The following MAP3K4 variants were observed in gnomAD, a reference collection of about 807,000 sequenced individuals.
MAP3K4 encodes MAP three kinase 1.
Under a neutral mutation model 185.6 loss-of-function variants are expected in MAP3K4, and 67 were observed. The observed-to-expected ratio is 0.36, with a 90% CI of 0.30 to 0.44. MAP3K4 has a LOEUF of 0.44. Among genes scored for constraint, MAP3K4 ranks in the 20% least tolerant of loss-of-function variants. MAP3K4 has a pLI of 1.00. For synonymous variants in MAP3K4, 702 were observed against 710.4 expected (o/e 0.99, Z 0.19); for missense variants, 1,551 against 1,995.1 (o/e 0.78, Z 4.24).
At chr6:161,011,855 C>G (rs574280907) in intron 1 of MAP3K4, among the ~76,000 whole-genome samples, 35 of 152,278 alleles carry the variant, frequency 2.3e-4, no homozygotes, top group African/African-American at 8.4e-4. Context: ...CTGGTTTATT[C>G]CTTTCCTGAC....
At chr6:161,002,050 G>GTTTT (rs77347524) in intron 1 of MAP3K4, among the ~76,000 whole-genome samples, 15 of 112,394 alleles carry the variant, frequency 1.3e-4, no homozygotes, top group South Asian at 3.0e-4. Flanking sequence ...TAAGAAAAAG[G>GTTTT]TTTTTTTTTT....
At chr6:160,992,649 C>G (rs1302889569) in intron 1 of MAP3K4, among the ~76,000 whole-genome samples, 4 of 152,172 alleles carry the variant, frequency 2.6e-5, no homozygotes, top group African/African-American at 7.2e-5. Flanking sequence ...GGGCCCCTTA[C>G]TGTCCTTTAG....
Position 161,073,326 on chromosome 6 carries a change from C to T in MAP3K4, c.1951-140C>T, listed in dbSNP as rs1215703529. On this transcript the variant is annotated intron_variant, in intron 4 of 26. Transcript: ENST00000392142. This position sits in a 1 kb window ranked among gnomAD's most constrained non-coding sequence, Gnocchi z 4.2. ...AGGTATTTACATAAAATGAACTGAT[C>T]AAGAATCTAGAAACTATTGTAGGTT... 1 of 697,022 alleles carries T rather than the reference C, an allele frequency of 1.4e-6. No homozygotes were observed. The highest frequency in any genetic ancestry group is 2.2e-6 in the Non-Finnish European group (1 of 447,208). The allele number at this position is 697,022 out of a possible 1,614,324, so 43.2% of individuals were successfully genotyped here.
chr6:161,019,156 A>G (rs1216265714), intron 1 of MAP3K4, among the ~76,000 whole-genome samples: 2 of 152,224 alleles, frequency 1.3e-5, no homozygotes, highest in Non-Finnish European at 2.9e-5. Context: ...TTCAAATTTG[A>G]TAAATGCTGT....
chr6:161,095,058 A>T (rs1314817998), intron 15 of MAP3K4, among the ~76,000 whole-genome samples: 1 of 152,226 alleles, frequency 6.6e-6, no homozygotes, highest in Non-Finnish European at 1.5e-5. Flanking sequence ...AATGACTCAT[A>T]CTTCCTGAAT....
Position 161,098,554 on chromosome 6 carries a change from T to A in MAP3K4, c.3674+127T>A. The A allele has an allele frequency of 8.9e-7, 1 of 1,125,246 alleles. No individual in the cohort carries two copies. Among genetic ancestry groups the A allele is most frequent in the Non-Finnish European group, 1.2e-6 (1 of 818,870 alleles). 69.7% of individuals were successfully genotyped at this position (1,125,246 alleles called of 1,614,324 possible). ...TTGCTGTGGCGTGTGAGTGATGCTCTAGGGCCTTCCGCAGGTTGTCACGGC... is the reference window on the plus strand; with the variant it reads ...TTGCTGTGGCGTGTGAGTGATGCTCAAGGGCCTTCCGCAGGTTGTCACGGC... On this transcript the variant is annotated intron_variant, in intron 17 of 26. Coordinates refer to ENST00000392142, the MANE Select transcript of MAP3K4 (RefSeq NM_005922.4). The surrounding 1 kb of genome is among the most constrained non-coding windows in gnomAD (Gnocchi z 4.4).
At position 161,112,822 on chromosome 6, in the gene MAP3K4, T is replaced by C. The variant is rs1778412510; in HGVS notation, c.4626+48T>C. The stretch of plus-strand genomic sequence containing the variant: ...GCGGAGCAACTTCAGAAGGGCACTG[T>C]GCATTAACAGAACAGTAGTTATGGA... On this transcript the variant is annotated intron_variant, in intron 25 of 26. Coordinates refer to ENST00000392142, the MANE Select transcript of MAP3K4 (RefSeq NM_005922.4). This position sits in a 1 kb window ranked among gnomAD's most constrained non-coding sequence, Gnocchi z 5.1. 4 of 1,282,624 alleles carry C rather than the reference T, an allele frequency of 3.1e-6. No homozygotes were observed. In the South Asian group the frequency reaches 6.5e-5, roughly 21 times the overall value. The allele number at this position is 1,282,624 out of a possible 1,614,324, so 79.5% of individuals were successfully genotyped here. A position where few individuals can be genotyped will look rare whatever the true frequency, so the allele number is the denominator to read the frequency against.
Position 161,101,411 on chromosome 6 carries a change from G to A in MAP3K4, c.3675-481G>A, listed in dbSNP as rs1440070448. On this transcript the variant is annotated intron_variant, in intron 17 of 26. Coordinates refer to ENST00000392142, the MANE Select transcript of MAP3K4 (RefSeq NM_005922.4). This position sits in a 1 kb window ranked among gnomAD's most constrained non-coding sequence, Gnocchi z 5.1. ...TTAAGTACATAAATATAATTTGATG[G>A]TAACTTTAAAGATCAGCAAGATTTG... is the stretch of plus-strand genomic sequence containing the variant. The A allele has an allele frequency of 6.6e-6, 1 of 152,196 alleles. No individual in the cohort carries two copies. Among genetic ancestry groups the A allele is most frequent in the South Asian group, 2.1e-4 (1 of 4,824 alleles). 9.4% of individuals were successfully genotyped at this position (152,196 alleles called of 1,614,324 possible).
chr6:161,004,706 G>A (rs1191746172), intron 1 of MAP3K4, among the ~76,000 whole-genome samples: 1 of 152,148 alleles, frequency 6.6e-6, no homozygotes, highest in Non-Finnish European at 1.5e-5. Flanking sequence ...TAACCCAAGT[G>A]ACAATAAATA....
rs1035240202 is a variant in MAP3K4, at chr6:161,043,147, A to G, written c.344-5469A>G. Reference sequence around the variant, plus strand: ...TATAGCTAGTGAAATGTTTGTGTCAACCAGAGTGGATTTAAATCCATATTT... The same window carrying G: ...TATAGCTAGTGAAATGTTTGTGTCAGCCAGAGTGGATTTAAATCCATATTT... On this transcript the variant is annotated intron_variant, in intron 2 of 26. Coordinates refer to ENST00000392142, the MANE Select transcript of MAP3K4 (RefSeq NM_005922.4). This position sits in a 1 kb window ranked among gnomAD's most constrained non-coding sequence, Gnocchi z 4.3. Among the ~76,000 whole-genome samples, 1 of 152,224 alleles carries G rather than the reference A, an allele frequency of 6.6e-6. No homozygotes were observed. Among genetic ancestry groups the G allele is most frequent in the Non-Finnish European group, 1.5e-5 (1 of 68,042 alleles).
chr6:161,081,983 C>T (rs977761870), intron 6 of MAP3K4, among the ~76,000 whole-genome samples: 18 of 152,128 alleles, frequency 1.2e-4, no homozygotes, highest in African/African-American at 4.1e-4. Flanking sequence ...GTCCCGTCAG[C>T]GTGACTTCTG....
chr6:161,034,400 A>G lies in MAP3K4; in HGVS notation c.294A>G (p.Lys98=). 1 of 1,613,938 alleles carries G rather than the reference A, an allele frequency of 6.2e-7. No individual in the cohort carries two copies. The highest frequency in any genetic ancestry group is 1.1e-5 in the South Asian group (1 of 91,074). ...GACAGATGAAACGCATGTCAACCAA[A>G]CATCAGAGGAATAATGTGGGGAGGC... ...TPRQMKRMST[K]HQRNNVGRPA... The change falls in exon 2 of 27, where the codon AAA becomes AAG. Residue 98 remains lysine, a synonymous_variant. Coordinates refer to ENST00000392142, the MANE Select transcript of MAP3K4 (RefSeq NM_005922.4). This position sits in a 1 kb window ranked among gnomAD's most constrained non-coding sequence, Gnocchi z 4.4.
At position 161,087,773 on chromosome 6, in the gene MAP3K4, A is replaced by G. The variant is rs1785805810; in HGVS notation, c.2642A>G (p.Asn881Ser). The change falls in exon 10 of 27, where the codon AAT (asparagine) becomes AGT (serine). Residue 881 changes from asparagine (N) to serine (S), a missense_variant. Around this residue, in one of 16 missense-constraint regions of MAP3K4, gnomAD observed 261 missense variants for 306.5 expected, o/e 0.85. Coordinates refer to ENST00000392142, the MANE Select transcript of MAP3K4 (RefSeq NM_005922.4). The surrounding 1 kb of genome is among the most constrained non-coding windows in gnomAD (Gnocchi z 4.9). ...EEKSIILQLL[N>S]AAAGKDCSKD... The stretch of plus-strand genomic sequence containing the variant: ...AAGAGTATTATTTTGCAGTTACTCA[A>G]TGCAGCTGCAGGAAAGGACTGTTCA... The G allele has an allele frequency of 1.2e-6, 2 of 1,613,582 alleles. No individual in the cohort carries two copies. The highest frequency in any genetic ancestry group is 1.7e-6 in the Non-Finnish European group (2 of 1,179,458).
intron 1 of MAP3K4, among the ~76,000 whole-genome samples, chr6:160,994,367 A>G (rs1399377223): frequency 5.3e-5 from 8 of 152,030 alleles, no homozygotes; most frequent in Non-Finnish European, 8.8e-5. Flanking sequence ...CTTAGCTCTC[A>G]CTTATAAGTG....
rs550929753 is a variant in MAP3K4 at position 161,051,631 on chromosome 6, A to G, written c.1707+1652A>G. On this transcript the variant is annotated intron_variant, in intron 3 of 26. Transcript: ENST00000392142. This position sits in a 1 kb window ranked among gnomAD's most constrained non-coding sequence, Gnocchi z 4.2. ...GAAGAAAAAAGTCCTGGCAGTACCAACATCCCTTGGTATCTCATCCCAGGG... is the reference window on the plus strand; with the variant it reads ...GAAGAAAAAAGTCCTGGCAGTACCAGCATCCCTTGGTATCTCATCCCAGGG... Among the ~76,000 whole-genome samples, 31 of 152,322 alleles carry G rather than the reference A, an allele frequency of 2.0e-4. No homozygotes were observed. The highest frequency in any genetic ancestry group is 7.2e-4 in the African/African-American group (30 of 41,576).
At chr6:161,038,103 T>C (rs1783266716) in intron 2 of MAP3K4, among the ~76,000 whole-genome samples, 2 of 152,160 alleles carry the variant, frequency 1.3e-5, no homozygotes. Flanking sequence ...TTCCTCCCTC[T>C]GTTCTTTCCT....
chr6:161,102,170 C>T (rs1157908421), intron 18 of MAP3K4, among the ~76,000 whole-genome samples, 178 bp downstream of exon 18: 5 of 152,192 alleles, frequency 3.3e-5, no homozygotes, highest in Non-Finnish European at 7.3e-5. Flanking sequence ...CTGCTGAGCA[C>T]ATTGGCCTTT....
At chr6:161,010,510 G>A (rs1781797224) in intron 1 of MAP3K4, among the ~76,000 whole-genome samples, 1 of 151,702 alleles carries the variant, frequency 6.6e-6, no homozygotes, top group Non-Finnish European at 1.5e-5. Context: ...TTTTTTAAAA[G>A]TTCACTTAAA....
At chr6:161,092,830 C>T (rs547924133) in intron 13 of MAP3K4, 148 bp from the exon 14 acceptor site, 13 of 481,364 alleles carry the variant, frequency 2.7e-5, no homozygotes, top group Admixed American at 1.5e-4. Flanking sequence ...CAAAAGGTCA[C>T]GCTGTAAACT....
Sources: gnomAD v4.1 joint callset for allele counts (sites outside exome capture counted in the v4.1 genomes callset) on GRCh38, gnomAD v4.1.1 for gene constraint, gnomAD v4.1.1 regional missense constraint, Gnocchi (gnomAD v3.1) non-coding constraint, MANE v1.5 for transcripts, NCBI Gene and HGNC (gene_info 2026-07-23, HGNC 2026-07-21) for gene names.